The following NDFIP2 variants were observed in gnomAD, a reference collection of about 807,000 sequenced individuals.
NDFIP2 encodes the protein Nedd4 family interacting protein 2.
Under a neutral mutation model 36.0 loss-of-function variants are expected in NDFIP2, and 19 were observed. That is an observed-to-expected ratio of 0.53 (90% CI 0.37 to 0.77). The LOEUF is 0.77. Ranked by LOEUF, NDFIP2 falls within the 30% of genes least tolerant of loss-of-function variation. The probability of loss-of-function intolerance (pLI) is 0.00; values close to 1 mark genes in which losing one functional copy is unlikely to be tolerated. For synonymous variants in NDFIP2, 181 were observed against 167.7 expected (o/e 1.08, Z -0.61); for missense variants, 446 against 435.8 (o/e 1.02, Z -0.21).
intron 2 of NDFIP2, among the ~76,000 whole-genome samples, chr13:79,530,029 A>G (rs1370402600): frequency 6.6e-6 from 1 of 152,220 alleles, no homozygotes; most frequent in Non-Finnish European, 1.5e-5. Context: ...AAAGATACTA[A>G]TGATCATCAG....
chr13:79,529,873 G>A (rs1874943235), intron 2 of NDFIP2, among the ~76,000 whole-genome samples: 1 of 152,204 alleles, frequency 6.6e-6, no homozygotes, highest in African/African-American at 2.4e-5. Context: ...GACTACTGAA[G>A]TAAAGCGAAT....
At chr13:79,493,365 G>T (rs116884602) in intron 1 of NDFIP2, among the ~76,000 whole-genome samples, 1 of 152,234 alleles carries the variant, frequency 6.6e-6, no homozygotes, top group Non-Finnish European at 1.5e-5. Context: ...CATAATTAGG[G>T]TATATCCTTT....
intron 1 of NDFIP2, among the ~76,000 whole-genome samples, chr13:79,488,631 T>A (rs1335370): frequency 0.41 from 62,036 of 152,032 alleles, 13,490 homozygotes; most frequent in East Asian, 0.7. Context: ...CATTATTGAT[T>A]ATGAAACAAA....
In NDFIP2 at chr13:79,520,829, A is replaced by T. The variant is rs754913477; in HGVS notation, c.341A>T (p.Asn114Ile). ...TCTTAGCTTCTTAATGAAGAGGATA[A>T]CTCAGAATCATCGGCTATAGAGCAG... ...RYQVLLNEED[N>I]SESSAIEQPP... The change falls in exon 2 of 8, where the codon AAC (asparagine) becomes ATC (isoleucine). Residue 114 changes from asparagine (N) to isoleucine (I), a missense_variant. Around this residue, in one of 2 missense-constraint regions of NDFIP2, gnomAD observed 369 missense variants for 304.8 expected, o/e 1.21. Transcript: ENST00000218652. 5.0e-6 allele frequency: 8 copies of T among 1,612,822 alleles called. 1 individual carries two copies. The South Asian group carries it at 8.8e-5, about 18-fold the overall frequency.
chr13:79,534,585 G>A (rs1287531434), intron 3 of NDFIP2, among the ~76,000 whole-genome samples: 1 of 152,080 alleles, frequency 6.6e-6, no homozygotes, highest in Non-Finnish European at 1.5e-5. Flanking sequence ...ACATTTTAGT[G>A]TGGCTGCAAG....
At chr13:79,550,142 A>G (rs1875848779) in intron 6 of NDFIP2, among the ~76,000 whole-genome samples, 1 of 151,674 alleles carries the variant, frequency 6.6e-6, no homozygotes, top group Non-Finnish European at 1.5e-5. Context: ...CTGGTTAAAA[A>G]TTTGCTGGAG....
chr13:79,541,990 A>T (rs936748796), intron 4 of NDFIP2, among the ~76,000 whole-genome samples: 3 of 152,220 alleles, frequency 2.0e-5, no homozygotes, highest in African/African-American at 4.8e-5. Context: ...AAATCCTTTT[A>T]AAGTGTTACC....
At chr13:79,488,401 T>C (rs1311983886) in intron 1 of NDFIP2, among the ~76,000 whole-genome samples, 1 of 152,166 alleles carries the variant, frequency 6.6e-6, no homozygotes, top group Non-Finnish European at 1.5e-5. Context: ...AAAAAAATTA[T>C]ACAAATGAGT....
chr13:79,488,376 A>G (rs1873099907), intron 1 of NDFIP2, among the ~76,000 whole-genome samples: 1 of 152,096 alleles, frequency 6.6e-6, no homozygotes, highest in Non-Finnish European at 1.5e-5. Context: ...TATTTGGTTG[A>G]GTTTAGCTCA....
intron 1 of NDFIP2, among the ~76,000 whole-genome samples, chr13:79,511,203 C>T (rs1222030445): frequency 6.6e-6 from 1 of 152,144 alleles, no homozygotes; most frequent in Non-Finnish European, 1.5e-5. Flanking sequence ...AAATCTCCCA[C>T]AAAAGATAGC....
In NDFIP2 at chr13:79,481,269, C is replaced by G. The variant is rs1463933319; in HGVS notation, c.66C>G (p.Gly22=). The G allele has an allele frequency of 2.0e-6, 3 of 1,536,400 alleles. No individual in the cohort carries two copies. In the African/African-American group the frequency reaches 4.1e-5, roughly 21 times the overall value. The change falls in exon 1 of 8, where the codon GGC becomes GGG. Residue 22 remains glycine, a synonymous_variant. Coordinates refer to ENST00000218652, the MANE Select transcript of NDFIP2 (RefSeq NM_019080.3). ...CGAGCATGCTCAATAGCGCGCGCGG[C>G]GCCCCGGAGCTTCTCCGCGGAACCG... The part of the protein sequence containing the change: ...SGPSMLNSAR[G]APELLRGTAT...
At chr13:79,530,398 C>T (rs1874969348) in intron 2 of NDFIP2, among the ~76,000 whole-genome samples, 1 of 152,184 alleles carries the variant, frequency 6.6e-6, no homozygotes, top group African/African-American at 2.4e-5. Flanking sequence ...ATTACAGGTG[C>T]CAGCTGCTGT....
intron 1 of NDFIP2, 91 bp from the exon 2 acceptor site, chr13:79,520,719 G>A (rs1382090471): frequency 5.7e-6 from 7 of 1,234,334 alleles, no homozygotes; most frequent in African/African-American, 3.0e-5. Context: ...TGGCCAAAAA[G>A]CGATACTGTG....
chr13:79,522,514 A>G (rs753302260), intron 2 of NDFIP2, among the ~76,000 whole-genome samples: 2 of 152,192 alleles, frequency 1.3e-5, no homozygotes, highest in East Asian at 1.9e-4. Context: ...AATATCAATC[A>G]TTTATTACTG....
At chr13:79,542,785 T>C (rs1875508827) in intron 4 of NDFIP2, among the ~76,000 whole-genome samples, 1 of 152,162 alleles carries the variant, frequency 6.6e-6, no homozygotes, top group Admixed American at 6.5e-5. Context: ...ATAAGTAAAT[T>C]CAGAAAAGGA....
At chr13:79,531,066 C>G (rs1238442035) in intron 2 of NDFIP2, among the ~76,000 whole-genome samples, 2 of 152,176 alleles carry the variant, frequency 1.3e-5, no homozygotes, top group Non-Finnish European at 2.9e-5. Flanking sequence ...GTCAGAATGA[C>G]CCCTTGATCC....
intron 1 of NDFIP2, among the ~76,000 whole-genome samples, chr13:79,497,686 T>A (rs1873490035): frequency 6.7e-6 from 1 of 150,058 alleles, no homozygotes; most frequent in Admixed American, 6.7e-5. Context: ...TTCTATTCCT[T>A]GCATTAACTC....
intron 2 of NDFIP2, among the ~76,000 whole-genome samples, chr13:79,529,078 C>A (rs949046870): frequency 3.9e-5 from 6 of 152,134 alleles, no homozygotes; most frequent in African/African-American, 1.4e-4. Flanking sequence ...CTATTTTATC[C>A]CATAATAGCA....
At position 79,553,457 on chromosome 13, in the gene NDFIP2, T is replaced by C. The variant is rs1231851692; in HGVS notation, c.*944T>C. The stretch of plus-strand genomic sequence containing the variant: ...ATTTCATTTAAGATAATTTTCAAAG[T>C]TAATTTTCTAAATAAGATAATTCTC... On this transcript the variant is annotated 3_prime_UTR_variant, in exon 8 of 8. Transcript: ENST00000218652. 1 of 151,536 alleles carries C rather than the reference T, an allele frequency of 6.6e-6. No homozygotes were observed. Among genetic ancestry groups the C allele is most frequent in the Non-Finnish European group, 1.5e-5 (1 of 67,496 alleles). The allele number at this position is 151,536 out of a possible 1,614,324, so 9.4% of individuals were successfully genotyped here.
Sources: gnomAD v4.1 joint callset for allele counts (sites outside exome capture counted in the v4.1 genomes callset) on GRCh38, gnomAD v4.1.1 for gene constraint, gnomAD v4.1.1 regional missense constraint, MANE v1.5 for transcripts, NCBI Gene and HGNC (gene_info 2026-07-23, HGNC 2026-07-21) for gene names.